VPS13D: variants seen among roughly 807,000 people sequenced by gnomAD.
VPS13D encodes the protein intermembrane lipid transfer protein VPS13D.
Under a neutral mutation model 461.9 loss-of-function variants are expected in VPS13D, and 187 were observed. The observed-to-expected ratio is 0.40, with a 90% confidence interval of 0.36 to 0.46. The LOEUF (loss-of-function observed/expected upper bound fraction) is 0.46. Among genes scored for constraint, VPS13D ranks in the 20% least tolerant of loss-of-function variants. VPS13D has a pLI of 0.60. For missense variants in VPS13D, 4,711 were observed against 5,364.9 expected (o/e 0.88, Z 3.81); for synonymous variants, 1,951 against 1,986.3 (o/e 0.98, Z 0.47).
At chr1:12,323,847 C>T (rs1438975794) in intron 35 of VPS13D, 67 bp downstream of exon 35, 2 of 1,523,632 alleles carry the variant, frequency 1.3e-6, no homozygotes, top group Non-Finnish European at 1.8e-6. Context: ...CATTTCCTCT[C>T]TTACTTCCAC....
rs1187634248 is a variant in VPS13D at position 12,507,636 on chromosome 1, G to A, written c.13035+543G>A. ...GGCTTTTAAATAATAAAGCTCCTGC[G>A]AATAGCTAACGTTCCTAGAGGGCTG... is the stretch of plus-strand genomic sequence containing the variant. On this transcript the variant is annotated intron_variant, in intron 69 of 69. Transcript: ENST00000620676. The surrounding 1 kb of genome is among the most constrained non-coding windows in gnomAD (Gnocchi z 5.3). 6.6e-6 allele frequency among the ~76,000 whole-genome samples: 1 copy of A among 152,228 alleles called. No individual in the cohort carries two copies. The highest frequency in any genetic ancestry group is 1.5e-5 in the Non-Finnish European group (1 of 68,038).
chr1:12,416,076 G>A (rs1044735731), intron 64 of VPS13D, among the ~76,000 whole-genome samples: 1 of 152,140 alleles, frequency 6.6e-6, no homozygotes. Context: ...TCCCAGCTAC[G>A]GGAGGCTGAG....
chr1:12,395,420 G>A (rs1364707448), intron 60 of VPS13D, among the ~76,000 whole-genome samples: 1 of 152,184 alleles, frequency 6.6e-6, no homozygotes, highest in Non-Finnish European at 1.5e-5. Context: ...TGGTGAGGCT[G>A]TGTGTGCATC....
At chr1:12,237,598 C>A (rs1273100877) in intron 2 of VPS13D, among the ~76,000 whole-genome samples, 2 of 151,556 alleles carry the variant, frequency 1.3e-5, no homozygotes, top group Admixed American at 1.3e-4. Context: ...GCCAGAGGAT[C>A]ACCTGAGGCC....
intron 56 of VPS13D, among the ~76,000 whole-genome samples, chr1:12,378,963 T>A (rs2101642475): frequency 6.6e-6 from 1 of 152,352 alleles, no homozygotes; most frequent in Admixed American, 6.5e-5. Context: ...AATAATCAGA[T>A]GTATTTTTAT....
intron 65 of VPS13D, among the ~76,000 whole-genome samples, chr1:12,417,130 C>T (rs1047079713): frequency 3.9e-5 from 6 of 152,168 alleles, no homozygotes; most frequent in African/African-American, 7.2e-5. Flanking sequence ...ACCCCTACAC[C>T]TTTCACTGTG....
Position 12,322,585 on chromosome 1 carries a change from T to A in VPS13D, c.7754T>A (p.Leu2585Gln). The A allele has an allele frequency of 1.2e-6, 2 of 1,614,246 alleles. No homozygotes were observed. The highest frequency in any genetic ancestry group is 1.7e-6 in the Non-Finnish European group (2 of 1,180,040). Reference sequence around the variant, plus strand: ...AGACTCTCCTATAATGATGTTCAGCTGTTTCTTGCCATTGCAAAATCCATC... The same window carrying A: ...AGACTCTCCTATAATGATGTTCAGCAGTTTCTTGCCATTGCAAAATCCATC... ...DIRLSYNDVQ[L>Q]FLAIAKSIPE... The change falls in exon 34 of 70, where the codon CTG (leucine) becomes CAG (glutamine). Residue 2585 changes from leucine to glutamine, a missense_variant. Transcript: ENST00000620676.
rs1247309989 is a variant in VPS13D, at chr1:12,338,164, G to A, written c.8552-67G>A. 7 of 1,390,418 alleles carry A rather than the reference G, an allele frequency of 5.0e-6. No homozygotes were observed. The South Asian group carries it at 6.9e-5, about 14-fold the overall frequency. The allele number at this position is 1,390,418 out of a possible 1,614,324, so 86.1% of individuals were successfully genotyped here. ...TGTTCTCTATTTGTGCTTATCGTTT[G>A]GAAGCAAGTCTTCTTATTTCACTGT... On this transcript the variant is annotated intron_variant, in intron 39 of 69. Transcript: ENST00000620676.
intron 65 of VPS13D, among the ~76,000 whole-genome samples, chr1:12,426,945 T>A (rs1644930962): frequency 6.6e-6 from 1 of 151,736 alleles, no homozygotes; most frequent in Admixed American, 6.6e-5. Context: ...ACCTGGGAGG[T>A]GGAGGTTGCA....
intron 5 of VPS13D, among the ~76,000 whole-genome samples, chr1:12,246,557 T>C (rs7547379): frequency 0.084 from 12,739 of 152,252 alleles, 946 homozygotes; most frequent in African/African-American, 0.19. Context: ...AAGGGATACG[T>C]GACCTGTACA....
At chr1:12,373,160 AC>A (rs1557740073) in intron 54 of VPS13D, among the ~76,000 whole-genome samples, 1 of 121,418 alleles carries the variant, frequency 8.2e-6, no homozygotes, top group Non-Finnish European at 1.6e-5. Context: ...TCATTCTGTC[AC>A]CCAGGCTAGA....
At chr1:12,412,949 G>A (rs1259352422) in intron 63 of VPS13D, among the ~76,000 whole-genome samples, 1 of 152,108 alleles carries the variant, frequency 6.6e-6, no homozygotes, top group African/African-American at 2.4e-5. Flanking sequence ...CTACAAAGCA[G>A]TAAGAAATAA....
rs61588046 is a variant in VPS13D at position 12,352,965 on chromosome 1, C to CAAAAAAAAA, written c.9432-986_9432-978dup. Among the ~76,000 whole-genome samples, 74 of 17,592 alleles carry CAAAAAAAAA rather than the reference C, an allele frequency of 4.2e-3. 11 individuals are homozygous for CAAAAAAAAA. The highest frequency in any genetic ancestry group is 0.014 in the South Asian group (3 of 218). The allele number at this position is 17,592 out of a possible 152,430, so 11.5% of individuals were successfully genotyped here. ...GGGCAATAAGAGTGAAACTCAGTCT[C>CAAAAAAAAA]AAAAAAAAAAAAAAAAAAAAAAAAA... On this transcript the variant is annotated intron_variant, in intron 46 of 69. Coordinates refer to ENST00000620676, the MANE Select transcript of VPS13D (RefSeq NM_015378.4).
At chr1:12,369,728 C>T (rs757046410) in intron 54 of VPS13D, 26 bp downstream of exon 54, 5 of 1,600,618 alleles carry the variant, frequency 3.1e-6, no homozygotes, top group East Asian at 4.5e-5. Context: ...ATTACTGTTC[C>T]TATAAAGCAG....
At chr1:12,347,645 A>T (rs1487189370) in intron 44 of VPS13D, among the ~76,000 whole-genome samples, 3 of 152,222 alleles carry the variant, frequency 2.0e-5, no homozygotes, top group Admixed American at 6.5e-5. Flanking sequence ...GGTTCAAAAC[A>T]TGGAGCTCTT....
At chr1:12,254,133 C>G (rs1557665939) in intron 7 of VPS13D, among the ~76,000 whole-genome samples, 1 of 152,210 alleles carries the variant, frequency 6.6e-6, no homozygotes, top group Non-Finnish European at 1.5e-5. Context: ...ATTCATTGCT[C>G]TGACCACTGC....
rs569780362 is a variant in VPS13D at position 12,257,025 on chromosome 1, G to T, written c.879G>T (p.Leu293=). Residue 293 remains leucine, a synonymous_variant, in exon 9 of 70, where the codon CTG becomes CTT. Coordinates refer to ENST00000620676, the MANE Select transcript of VPS13D (RefSeq NM_015378.4). ...AAATCATGGAATTCCTCAAGGAGCT[G>T]GAACGAAAGGAGAGGCAGGTGAAGT... is the stretch of plus-strand genomic sequence containing the variant. ...YRQIMEFLKE[L]ERKERQVKFR... is the part of the protein sequence containing the mutation. 6.2e-7 allele frequency: 1 copy of T among 1,614,112 alleles called. No individual in the cohort carries two copies. The highest frequency in any genetic ancestry group is 8.5e-7 in the Non-Finnish European group (1 of 1,180,018).
chr1:12,307,479 A>T (rs1557698915), intron 26 of VPS13D, among the ~76,000 whole-genome samples: 2 of 151,772 alleles, frequency 1.3e-5, no homozygotes, highest in African/African-American at 2.4e-5. Context: ...GATTTGGGGG[A>T]GTTTTACAGA....
rs149109225 is a variant in VPS13D at position 12,283,629 on chromosome 1, G to A, written c.5527G>A (p.Ala1843Thr). The change falls in exon 21 of 70, where the codon GCA becomes ACA. Residue 1843 changes from alanine to threonine, a missense_variant. Physicochemically the swap from Ala to Thr is moderately conservative, Grantham distance 58. Coordinates refer to ENST00000620676, the MANE Select transcript of VPS13D (RefSeq NM_015378.4). Reference sequence around the variant, plus strand: ...AATCGGCTCCACTGCAGACAACCACGCAATGAGGCTGCCTCCTGAGGGCAT... The same window carrying A: ...AATCGGCTCCACTGCAGACAACCACACAATGAGGCTGCCTCCTGAGGGCAT... ...FGIGSTADNH[A>T]MRLPPEGILH... 110 of 1,613,964 alleles carry A rather than the reference G, an allele frequency of 6.8e-5. No homozygotes were observed. The highest frequency in any genetic ancestry group is 8.9e-5 in the Non-Finnish European group (105 of 1,180,034).
Sources: allele counts gnomAD v4.1 joint callset (sites outside exome capture counted in the v4.1 genomes callset), GRCh38; gene constraint gnomAD v4.1.1; non-coding constraint Gnocchi (gnomAD v3.1); transcripts MANE v1.5; gene names NCBI Gene and HGNC (gene_info 2026-07-23, HGNC 2026-07-21).